Variants in SYN2 observed in about 807,000 individuals in gnomAD.
SYN2 encodes the protein synapsin II.
SYN2 carries 19 observed loss-of-function variants against 50.9 expected under a neutral mutation model. The ratio of observed to expected loss-of-function variants is 0.37; its 90% confidence interval spans 0.26 to 0.55. SYN2 has a LOEUF of 0.55. Among genes scored for constraint, SYN2 ranks in the 20% least tolerant of loss-of-function variants. SYN2 has a pLI of 0.81. For missense variants in SYN2, 587 were observed against 576.4 expected, an observed-to-expected ratio of 1.02 and a Z score of -0.19; for synonymous variants, 255 against 224.9, an observed-to-expected ratio of 1.13 and a Z score of -1.20.
chr3:12,037,822 A>G (rs1574902031), intron 1 of SYN2, among the ~76,000 whole-genome samples: 1 of 152,152 alleles, frequency 6.6e-6, no homozygotes, highest in Non-Finnish European at 1.5e-5. Flanking sequence ...ACCTTACCAT[A>G]TATATGATTT....
In SYN2 at chr3:12,004,945, G is replaced by A. The variant is rs2600235; in HGVS notation, c.377+17G>A. ...CGCCGACTGGTAGGTGCCGGGCGCC[G>A]CCGCCCTCGGGGGTCGGGGTCCGCC... is the stretch of plus-strand genomic sequence containing the variant. On this transcript the variant is annotated intron_variant, in intron 1 of 12. Transcript: ENST00000621198. 3.9e-6 allele frequency: 2 copies of A among 514,766 alleles called. No individual in the cohort carries two copies. The highest frequency in any genetic ancestry group is 6.8e-6 in the Non-Finnish European group (2 of 293,504). The allele number at this position is 514,766 out of a possible 1,614,324, so 31.9% of individuals were successfully genotyped here.
chr3:12,133,576 A>G (rs1263241608), intron 1 of SYN2, among the ~76,000 whole-genome samples: 1 of 152,244 alleles, frequency 6.6e-6, no homozygotes, highest in East Asian at 1.9e-4. Flanking sequence ...TTGAATTGTC[A>G]GGTGAATGCT....
At chr3:12,161,746 C>A in intron 6 of SYN2, 138 bp downstream of exon 6, 1 of 1,117,246 alleles carries the variant, frequency 9.0e-7, no homozygotes, top group Non-Finnish European at 1.3e-6. Context: ...ACCTCTAAAG[C>A]CATGAGTGTC....
chr3:12,145,715 T>A lies in SYN2; in HGVS notation c.564T>A (p.His188Gln). 1 of 1,614,044 alleles carries A rather than the reference T, an allele frequency of 6.2e-7. No individual in the cohort carries two copies. ...CAGACTTCGTGCTCATCCGGCAGCA[T>A]GCATTTGGCATGGCGGAGAATGAGG... Reference protein sequence around the residue: ...FRPDFVLIRQHAFGMAENEDF... With the variant: ...FRPDFVLIRQQAFGMAENEDF... Residue 188 changes from histidine to glutamine, a missense_variant, in exon 4 of 13, where the codon CAT becomes CAA. Coordinates refer to ENST00000621198, the MANE Select transcript of SYN2 (RefSeq NM_133625.6).
At chr3:12,173,425 C>T (rs934034228) in intron 10 of SYN2, among the ~76,000 whole-genome samples, 4 of 152,138 alleles carry the variant, frequency 2.6e-5, no homozygotes, top group African/African-American at 7.2e-5. Context: ...TAAGGCTCAC[C>T]CTCCACTTGT....
intron 1 of SYN2, among the ~76,000 whole-genome samples, chr3:12,059,282 G>C (rs1478835303): frequency 1.3e-5 from 2 of 152,154 alleles, no homozygotes; most frequent in African/African-American, 4.8e-5. Context: ...ATACATAGAG[G>C]TTACACATTG....
chr3:12,095,292 C>T lies in SYN2; in HGVS notation c.378-45359C>T, dbSNP rs1475120636. ...GGGAGCAGTGACTAAAGCCCGTAAT[C>T]CTAGCACATTGGGAGGCCGAGGCAG... is the stretch of plus-strand genomic sequence containing the variant. On this transcript the variant is annotated intron_variant, in intron 1 of 12. Coordinates refer to ENST00000621198, the MANE Select transcript of SYN2 (RefSeq NM_133625.6). Among the ~76,000 whole-genome samples the T allele has an allele frequency of 2.0e-5, 3 of 150,938 alleles. 1 individual carries two copies. In the East Asian group the frequency reaches 6.0e-4, roughly 30 times the overall value.
At chr3:12,071,026 C>A in intron 1 of SYN2, 1 of 557,662 alleles carries the variant, frequency 1.8e-6, no homozygotes. Context: ...GCTGTTATAG[C>A]TTTCCTTCCT....
intron 1 of SYN2, among the ~76,000 whole-genome samples, chr3:12,059,569 T>A (rs1022396529): frequency 5.3e-5 from 8 of 152,150 alleles, no homozygotes; most frequent in African/African-American, 1.9e-4. Flanking sequence ...GTGGATCTGC[T>A]TGGTGGAGGT....
chr3:12,145,170 C>T (rs554854156), intron 3 of SYN2, among the ~76,000 whole-genome samples: 9 of 152,270 alleles, frequency 5.9e-5, no homozygotes, highest in South Asian at 2.1e-4. Context: ...GGGTGACTGA[C>T]GTAGGAGAAT....
chr3:12,075,418 A>T (rs1412700058), intron 1 of SYN2, among the ~76,000 whole-genome samples: 1 of 152,198 alleles, frequency 6.6e-6, no homozygotes, highest in African/African-American at 2.4e-5. Flanking sequence ...GAGGAAAATT[A>T]CTTTGAGTAC....
At chr3:12,091,161 G>A (rs1260226675) in intron 1 of SYN2, among the ~76,000 whole-genome samples, 1 of 152,036 alleles carries the variant, frequency 6.6e-6, no homozygotes, top group Non-Finnish European at 1.5e-5. Flanking sequence ...TTAAGTTTAT[G>A]TTTTTATATT....
chr3:12,025,509 G>A (rs1251820217), intron 1 of SYN2, among the ~76,000 whole-genome samples: 15 of 152,166 alleles, frequency 9.9e-5, no homozygotes, highest in Admixed American at 9.8e-4. Flanking sequence ...TCAGTGTTGT[G>A]TTGATTTTAC....
intron 1 of SYN2, among the ~76,000 whole-genome samples, chr3:12,036,830 C>G (rs1395670695): frequency 6.6e-6 from 1 of 152,156 alleles, no homozygotes; most frequent in African/African-American, 2.4e-5. Context: ...CCACATCTTT[C>G]CTTCTCCTTC....
intron 10 of SYN2, among the ~76,000 whole-genome samples, chr3:12,177,156 T>A (rs1574888840): frequency 6.6e-6 from 1 of 152,204 alleles, no homozygotes. Context: ...AGTCCTTTTT[T>A]GTACTGGTTC....
Position 12,145,691 on chromosome 3 carries a change from A to G in SYN2, c.540A>G (p.Pro180=), listed in dbSNP as rs1697130804. 6.2e-7 allele frequency: 1 copy of G among 1,614,034 alleles called. No homozygotes were observed. Among genetic ancestry groups the G allele is most frequent in the Middle Eastern group, 1.6e-4 (1 of 6,062 alleles). ...NGTKVVRSFR[P]DFVLIRQHAF... is the part of the protein sequence containing the mutation. ...ACCTTCTCACCAGGTCCTTCCGGCC[A>G]GACTTCGTGCTCATCCGGCAGCATG... Residue 180 remains proline (P), a synonymous_variant, in exon 4 of 13, where the codon CCA becomes CCG. Coordinates refer to ENST00000621198, the MANE Select transcript of SYN2 (RefSeq NM_133625.6).
At chr3:12,158,869 G>A (rs764594268) in intron 5 of SYN2, 1 of 1,530,622 alleles carries the variant, frequency 6.5e-7, no homozygotes, top group Admixed American at 1.9e-5. Flanking sequence ...CTGAGCCTGT[G>A]AGGTCTGGGG....
chr3:12,180,984 C>T (rs1418180410), intron 10 of SYN2, among the ~76,000 whole-genome samples: 2 of 152,178 alleles, frequency 1.3e-5, no homozygotes, highest in African/African-American at 2.4e-5. Context: ...AGCATTCATC[C>T]AGTCAATCTC....
chr3:12,099,958 CTG>C (rs1324366576), intron 1 of SYN2, among the ~76,000 whole-genome samples: 1 of 6,500 alleles, frequency 1.5e-4, no homozygotes, highest in African/African-American at 1.3e-3. Flanking sequence ...GAGTGAGACT[CTG>C]TCTCAAAAAA....
Sources: gnomAD v4.1 joint callset for allele counts (sites outside exome capture counted in the v4.1 genomes callset) on GRCh38, gnomAD v4.1.1 for gene constraint, MANE v1.5 for transcripts, NCBI Gene and HGNC (gene_info 2026-07-23, HGNC 2026-07-21) for gene names.